Variants in KCTD3 observed in about 807,000 individuals in gnomAD.
KCTD3 encodes BTB/POZ domain-containing protein KCTD3.
Under a neutral mutation model 85.8 loss-of-function variants are expected in KCTD3, and 41 were observed. The ratio of observed to expected loss-of-function variants is 0.48; its 90% CI spans 0.37 to 0.62. The LOEUF is 0.62. KCTD3 is among the 20% of genes least tolerant of loss of function. The probability of loss-of-function intolerance (pLI) is 0.00; values close to 1 mark genes in which losing one functional copy is unlikely to be tolerated. For synonymous variants in KCTD3, 338 were observed against 345.4 expected, an observed-to-expected ratio of 0.98 and a Z score of 0.24; for missense variants, 724 against 989.9, an observed-to-expected ratio of 0.73 and a Z score of 3.60.
At chr1:215,568,220 T>C (rs1659218507) in intron 1 of KCTD3, among the ~76,000 whole-genome samples, 1 of 152,172 alleles carries the variant, frequency 6.6e-6, no homozygotes, top group Non-Finnish European at 1.5e-5. Flanking sequence ...AAGAGTGCGG[T>C]GTTCTTTTCC....
chr1:215,605,581 C>T (rs1558241810), intron 13 of KCTD3, among the ~76,000 whole-genome samples: 1 of 152,096 alleles, frequency 6.6e-6, no homozygotes, highest in Non-Finnish European at 1.5e-5. Context: ...CCAAAGAGTT[C>T]CAAACCCTGT....
chr1:215,595,422 G>A lies in KCTD3; in HGVS notation c.884G>A (p.Ser295Asn), dbSNP rs1409585027. The A allele has an allele frequency of 6.2e-7, 1 of 1,613,930 alleles. No individual in the cohort carries two copies. Among genetic ancestry groups the A allele is most frequent in the Non-Finnish European group, 8.5e-7 (1 of 1,179,870 alleles). The change falls in exon 10 of 18, where the codon AGT (serine) becomes AAT (asparagine). Residue 295 changes from serine (S) to asparagine (N), a missense_variant. Physicochemically the swap from Ser to Asn is conservative, Grantham distance 46 (BLOSUM62 1). Coordinates refer to ENST00000259154, the MANE Select transcript of KCTD3 (RefSeq NM_016121.5). The stretch of plus-strand genomic sequence containing the variant: ...ATTGGTAACCAGTTGGTGGCCACGA[G>A]TCATACAGGGAAAGTGGGAGTGTGG... ...FFIGNQLVAT[S>N]HTGKVGVWNA... is the part of the protein sequence containing the mutation.
intron 6 of KCTD3, 112 bp downstream of exon 6, chr1:215,578,193 T>G: frequency 1.2e-6 from 1 of 829,990 alleles, no homozygotes; most frequent in African/African-American, 1.7e-5. Context: ...TCTATAAATC[T>G]ATTAGAAATG....
At chr1:215,614,010 T>G (rs1277743247) in intron 15 of KCTD3, among the ~76,000 whole-genome samples, 1 of 149,638 alleles carries the variant, frequency 6.7e-6, no homozygotes, top group Non-Finnish European at 1.5e-5. Flanking sequence ...CATAGGAACT[T>G]TAGAATAGTT....
At chr1:215,587,771 C>T (rs962241615) in intron 9 of KCTD3, among the ~76,000 whole-genome samples, 4 of 152,150 alleles carry the variant, frequency 2.6e-5, no homozygotes, top group African/African-American at 7.2e-5. Context: ...TTTATCAAAA[C>T]TCTAAAATCA....
intron 14 of KCTD3, among the ~76,000 whole-genome samples, chr1:215,609,255 C>T (rs941218050): frequency 6.6e-6 from 1 of 151,876 alleles, no homozygotes; most frequent in African/African-American, 2.4e-5. Context: ...GAAGGATAGA[C>T]ATTTGTTGGG....
At chr1:215,604,032 A>G (rs1654924513) in intron 12 of KCTD3, 100 bp from the exon 13 acceptor site, 2 of 855,926 alleles carry the variant, frequency 2.3e-6, no homozygotes, top group African/African-American at 1.7e-5. Context: ...ATAAACAGTG[A>G]ATCCAGCTCT....
chr1:215,606,814 A>G (rs1003293090), intron 13 of KCTD3, among the ~76,000 whole-genome samples: 3 of 152,018 alleles, frequency 2.0e-5, no homozygotes, highest in Non-Finnish European at 2.9e-5. Flanking sequence ...TGTTTTCCCT[A>G]TAGTGCATTT....
Position 215,620,513 on chromosome 1 carries a change from T to C in KCTD3, c.2343T>C (p.Asp781=), listed in dbSNP as rs3767253. Residue 781 remains aspartate, a synonymous_variant, in exon 18 of 18, where the codon GAT becomes GAC. Coordinates refer to ENST00000259154, the MANE Select transcript of KCTD3 (RefSeq NM_016121.5). The part of the protein sequence containing the change: ...PYLASSPSTS[D]GGTDSPGTAS... The stretch of plus-strand genomic sequence containing the variant: ...TGGCGTCATCACCAAGTACTTCCGA[T>C]GGAGGAACTGACTCACCTGGTACTG... 8.5e-3 allele frequency: 13,677 copies of C among 1,613,606 alleles called. 320 individuals are homozygous for C. Among genetic ancestry groups the C allele is most frequent in the South Asian group, 0.062 (5,641 of 91,058 alleles).
intron 9 of KCTD3, among the ~76,000 whole-genome samples, chr1:215,591,069 T>C (rs951499337): frequency 6.6e-6 from 1 of 152,160 alleles, no homozygotes; most frequent in Non-Finnish European, 1.5e-5. Context: ...GTTCTTATTT[T>C]TAAGATGTTG....
chr1:215,579,759 A>G (rs1659741989), intron 7 of KCTD3, 150 bp from the exon 8 acceptor site: 2 of 579,036 alleles, frequency 3.5e-6, no homozygotes, highest in South Asian at 2.0e-5. Context: ...CGGCCTCCCA[A>G]AGTGCTGGGA....
chr1:215,592,396 G>C (rs1660259965), intron 9 of KCTD3, among the ~76,000 whole-genome samples: 1 of 151,888 alleles, frequency 6.6e-6, no homozygotes, highest in South Asian at 2.1e-4. Flanking sequence ...CTGTTTTAAA[G>C]TGGAGAATAA....
At position 215,595,387 on chromosome 1, in the gene KCTD3, T is replaced by C. The variant is rs558567007; in HGVS notation, c.849T>C (p.Ala283=). Residue 283 remains alanine, a synonymous_variant, in exon 10 of 18, where the codon GCT becomes GCC. Coordinates refer to ENST00000259154, the MANE Select transcript of KCTD3 (RefSeq NM_016121.5). ...GVFSLGVPVD[A]LFFIGNQLVA... is the part of the protein sequence containing the mutation. ...TCAGCCTGGGTGTTCCTGTAGATGC[T>C]CTCTTCTTTATTGGTAACCAGTTGG... 12 of 1,613,452 alleles carry C rather than the reference T, an allele frequency of 7.4e-6. No individual in the cohort carries two copies. Among genetic ancestry groups the C allele is most frequent in the Middle Eastern group, 1.7e-4 (1 of 6,060 alleles).
chr1:215,575,976 TA>T lies in KCTD3; in HGVS notation c.257+4del. The T allele has an allele frequency of 7.0e-7, 1 of 1,430,060 alleles. No individual in the cohort carries two copies. Among genetic ancestry groups the T allele is most frequent in the Non-Finnish European group, 9.7e-7 (1 of 1,033,096 alleles). The allele number at this position is 1,430,060 out of a possible 1,614,324, so 88.6% of individuals were successfully genotyped here. On this transcript the variant is annotated splice_donor_region_variant and intron_variant, in intron 4 of 17. Coordinates refer to ENST00000259154, the MANE Select transcript of KCTD3 (RefSeq NM_016121.5). ...TCGGACAAAAGAACTAGACTTAAGG[TA>T]AGAAATGCACTCTTTTTAAAGTAAA...
intron 9 of KCTD3, among the ~76,000 whole-genome samples, chr1:215,592,397 T>C (rs889348786): frequency 5.3e-5 from 8 of 152,114 alleles, no homozygotes; most frequent in Non-Finnish European, 1.5e-5. Context: ...TGTTTTAAAG[T>C]GGAGAATAAT....
chr1:215,596,496 T>C (rs754565308), intron 10 of KCTD3, among the ~76,000 whole-genome samples: 5 of 152,060 alleles, frequency 3.3e-5, no homozygotes. Context: ...TGGGGGAACA[T>C]TAGCATTTAA....
At chr1:215,593,365 T>C (rs1269902352) in intron 9 of KCTD3, among the ~76,000 whole-genome samples, 1 of 152,222 alleles carries the variant, frequency 6.6e-6, no homozygotes, top group Non-Finnish European at 1.5e-5. Context: ...TAGAAGATAC[T>C]TCTAACAATA....
intron 12 of KCTD3, among the ~76,000 whole-genome samples, chr1:215,602,425 C>T (rs112614978): frequency 5.3e-5 from 8 of 151,324 alleles, no homozygotes; most frequent in East Asian, 1.9e-4. Flanking sequence ...ACTCCCCTTA[C>T]GCTGAATTGC....
At chr1:215,601,363 T>TA (rs1654828157) in intron 10 of KCTD3, among the ~76,000 whole-genome samples, 1 of 152,112 alleles carries the variant, frequency 6.6e-6, no homozygotes, top group Admixed American at 6.5e-5. Flanking sequence ...GAATGAAAAA[T>TA]AGAGAATACC....
Sources: gnomAD v4.1 joint callset for allele counts (sites outside exome capture counted in the v4.1 genomes callset) on GRCh38, gnomAD v4.1.1 for gene constraint, MANE v1.5 for transcripts, NCBI Gene and HGNC (gene_info 2026-07-23, HGNC 2026-07-21) for gene names.